ZNF131: variants seen among roughly 807,000 people sequenced by gnomAD.
The protein encoded by ZNF131 is zinc finger and BTB domain containing 35.
In ZNF131, 7 loss-of-function variants were observed where a neutral mutation model predicts 60.0. The observed-to-expected ratio is 0.12, with a 90% CI of 0.07 to 0.22. The LOEUF (loss-of-function observed/expected upper bound fraction) is 0.22. Among genes scored for constraint, ZNF131 ranks in the 10% least tolerant of loss-of-function variants. ZNF131 has a pLI of 1.00. For missense variants in ZNF131, 493 were observed against 740.9 expected (o/e 0.67, Z 3.88); for synonymous variants, 257 against 253.2 (o/e 1.01, Z -0.14).
intron 5 of ZNF131, among the ~76,000 whole-genome samples, chr5:43,172,554 G>A (rs1004699117): frequency 7.9e-5 from 12 of 151,836 alleles, no homozygotes; most frequent in Admixed American, 3.9e-4. Flanking sequence ...CCCGGGAGGC[G>A]GAGGTTGCAG....
In ZNF131 at chr5:43,175,933, A is replaced by G. The variant is rs573077876; in HGVS notation, c.*800A>G. ...AATGGCCACTGAAGGGCCATTTTCA[A>G]TTGGGAAAATTTATTTACATCTGTG... On this transcript the variant is annotated 3_prime_UTR_variant, in exon 7 of 7. Coordinates refer to ENST00000682664, the MANE Select transcript of ZNF131 (RefSeq NM_001330707.2). 1.3e-5 allele frequency: 2 copies of G among 152,392 alleles called. No homozygotes were observed. The highest frequency in any genetic ancestry group is 2.9e-5 in the Non-Finnish European group (2 of 68,176). 9.4% of individuals were successfully genotyped at this position (152,392 alleles called of 1,614,324 possible).
At chr5:43,125,780 CAAAG>C (rs1744469961) in intron 3 of ZNF131, among the ~76,000 whole-genome samples, 1 of 149,552 alleles carries the variant, frequency 6.7e-6, no homozygotes, top group African/African-American at 2.5e-5. Context: ...AACTCCGTCT[CAAAG>C]AAAAAAAAAA....
rs1288278813 is a variant in ZNF131 at position 43,121,099 on chromosome 5, G to A, written c.-40G>A. The A allele has an allele frequency of 6.5e-6, 1 of 152,776 alleles. No homozygotes were observed. Among genetic ancestry groups the A allele is most frequent in the Non-Finnish European group, 1.5e-5 (1 of 68,660 alleles). The allele number at this position is 152,776 out of a possible 1,614,324, so 9.5% of individuals were successfully genotyped here. A position where few individuals can be genotyped will look rare whatever the true frequency, so the allele number is the denominator to read the frequency against. Reference sequence around the variant, plus strand: ...AACAAGAGGCTCTGAGGGACGGAGAGGAAGGAGGGCGACCCACGAGCTAGG... The same window carrying A: ...AACAAGAGGCTCTGAGGGACGGAGAAGAAGGAGGGCGACCCACGAGCTAGG... On this transcript the variant is annotated 5_prime_UTR_variant, in exon 1 of 7. Coordinates refer to ENST00000682664, the MANE Select transcript of ZNF131 (RefSeq NM_001330707.2).
intron 4 of ZNF131, among the ~76,000 whole-genome samples, chr5:43,156,348 T>C (rs577617850): frequency 6.6e-6 from 1 of 152,290 alleles, no homozygotes; most frequent in East Asian, 1.9e-4. Context: ...CCAGTATACT[T>C]GGATGAGTAT....
chr5:43,149,302 C>T (rs550256725), intron 4 of ZNF131, among the ~76,000 whole-genome samples: 36 of 151,254 alleles, frequency 2.4e-4, no homozygotes, highest in Non-Finnish European at 4.3e-4. Flanking sequence ...CGCCTATAAT[C>T]TTGGCACTTT....
chr5:43,134,996 C>T (rs1745878964), intron 3 of ZNF131, among the ~76,000 whole-genome samples: 1 of 148,628 alleles, frequency 6.7e-6, no homozygotes, highest in African/African-American at 2.5e-5. Flanking sequence ...CGCGCCCGGC[C>T]ATCAGTTACA....
At chr5:43,155,742 G>T (rs543519451) in intron 4 of ZNF131, among the ~76,000 whole-genome samples, 16 of 152,260 alleles carry the variant, frequency 1.1e-4, no homozygotes, top group African/African-American at 3.9e-4. Context: ...GTTGGGAGGA[G>T]GATAGGAGAA....
At chr5:43,160,371 G>C (rs568116949) in intron 4 of ZNF131, among the ~76,000 whole-genome samples, 1 of 151,454 alleles carries the variant, frequency 6.6e-6, no homozygotes, top group Non-Finnish European at 1.5e-5. Context: ...GTGATGGCAC[G>C]CATCTATAGT....
chr5:43,149,312 T>G lies in ZNF131; in HGVS notation c.371+10003T>G, dbSNP rs569867235. On this transcript the variant is annotated intron_variant, in intron 4 of 6. Transcript: ENST00000682664. ...GCTCACGCCTATAATCTTGGCACTTTGGGCGGCCAAGGCGGGTGGATCAAA... is the reference window on the plus strand; with the variant it reads ...GCTCACGCCTATAATCTTGGCACTTGGGGCGGCCAAGGCGGGTGGATCAAA... 4.6e-5 allele frequency among the ~76,000 whole-genome samples: 7 copies of G among 152,132 alleles called. No homozygotes were observed. The East Asian group carries it at 1.2e-3, about 25-fold the overall frequency.
chr5:43,126,053 A>G (rs1194530587), intron 3 of ZNF131, among the ~76,000 whole-genome samples: 1 of 152,228 alleles, frequency 6.6e-6, no homozygotes, highest in Non-Finnish European at 1.5e-5. Flanking sequence ...TTGGGGTTAC[A>G]GTACTGTCTA....
At chr5:43,122,235 C>G (rs977364947) in intron 2 of ZNF131, 58 bp downstream of exon 2, 27 of 1,269,010 alleles carry the variant, frequency 2.1e-5, no homozygotes, top group Middle Eastern at 2.8e-4. Context: ...TTCTGTCCTT[C>G]GGACACCCGC....
At chr5:43,133,991 A>G (rs1224084697) in intron 3 of ZNF131, among the ~76,000 whole-genome samples, 1 of 152,172 alleles carries the variant, frequency 6.6e-6, no homozygotes, top group East Asian at 1.9e-4. Flanking sequence ...ATAGCCTTCC[A>G]AAAAAACTGA....
At chr5:43,167,725 C>T (rs549977470) in intron 5 of ZNF131, among the ~76,000 whole-genome samples, 10 of 152,228 alleles carry the variant, frequency 6.6e-5, no homozygotes, top group African/African-American at 2.4e-4. Context: ...TCAAGGAGCT[C>T]AGGATATGCT....
At chr5:43,169,193 T>C (rs996124159) in intron 5 of ZNF131, among the ~76,000 whole-genome samples, 3 of 152,236 alleles carry the variant, frequency 2.0e-5, no homozygotes, top group Non-Finnish European at 4.4e-5. Context: ...TTTGGGCTTT[T>C]CTTGTCTGTG....
At chr5:43,138,711 A>G (rs1299779160) in intron 3 of ZNF131, among the ~76,000 whole-genome samples, 4 of 152,170 alleles carry the variant, frequency 2.6e-5, no homozygotes, top group Admixed American at 2.6e-4. Context: ...GAGAAATAGT[A>G]TATAGTGTGT....
chr5:43,160,678 C>CTTTTTTTTTTTTTTTTTTTTT (rs71608692), intron 4 of ZNF131, among the ~76,000 whole-genome samples: 3 of 93,032 alleles, frequency 3.2e-5, no homozygotes, highest in African/African-American at 8.0e-5. Context: ...TAGCTTGGAA[C>CTTTTTTTTTTTTTTTTTTTTT]TTTTTTTTTT....
intron 4 of ZNF131, 82 bp from the exon 5 acceptor site, chr5:43,161,167 A>G (rs894381689): frequency 4.8e-6 from 6 of 1,249,682 alleles, no homozygotes; most frequent in Admixed American, 4.7e-5. Context: ...TATAAATTTT[A>G]TTGCCACTTT....
At chr5:43,126,348 G>A (rs1020305478) in intron 3 of ZNF131, among the ~76,000 whole-genome samples, 2 of 152,200 alleles carry the variant, frequency 1.3e-5, no homozygotes, top group Non-Finnish European at 2.9e-5. Flanking sequence ...TGTGGATCCA[G>A]TTTGAACTTA....
At chr5:43,140,211 G>A (rs960227657) in intron 4 of ZNF131, among the ~76,000 whole-genome samples, 3 of 152,162 alleles carry the variant, frequency 2.0e-5, no homozygotes, top group Non-Finnish European at 4.4e-5. Flanking sequence ...GGGGAACAAA[G>A]TGAGACCCTG....
Sources: gnomAD v4.1 joint callset for allele counts (sites outside exome capture counted in the v4.1 genomes callset) on GRCh38, gnomAD v4.1.1 for gene constraint, MANE v1.5 for transcripts, NCBI Gene and HGNC (gene_info 2026-07-23, HGNC 2026-07-21) for gene names.